The following SGCZ variants were observed in gnomAD, a reference collection of about 807,000 sequenced individuals.
SGCZ encodes zeta-sarcoglycan.
SGCZ carries 40 observed loss-of-function variants against 41.3 expected under a neutral mutation model. The observed-to-expected ratio is 0.97, with a 90% CI of 0.75 to 1.26. The LOEUF (loss-of-function observed/expected upper bound fraction) is 1.26, where lower values mean the gene tolerates loss of function less well. SGCZ is among the 50% of genes most tolerant of loss of function. The probability of loss-of-function intolerance (pLI) is 0.00; values close to 1 mark genes in which losing one functional copy is unlikely to be tolerated. For synonymous variants in SGCZ, 206 were observed against 137.5 expected (o/e 1.50, Z -3.49); for missense variants, 552 against 369.8 (o/e 1.49, Z -4.04).
chr8:14,271,318 C>T (rs980437722), intron 3 of SGCZ, among the ~76,000 whole-genome samples: 2 of 152,050 alleles, frequency 1.3e-5, no homozygotes, highest in Admixed American at 6.6e-5. Context: ...TATAATTCAG[C>T]CTAAAAACTT....
chr8:14,506,243 T>A (rs1357816260), intron 2 of SGCZ, among the ~76,000 whole-genome samples: 1 of 152,012 alleles, frequency 6.6e-6, no homozygotes, highest in East Asian at 1.9e-4. Context: ...TCCCACCACA[T>A]CCACCATATG....
At chr8:14,623,487 T>A (rs1383762268) in intron 1 of SGCZ, among the ~76,000 whole-genome samples, 1 of 151,992 alleles carries the variant, frequency 6.6e-6, no homozygotes, top group African/African-American at 2.4e-5. Flanking sequence ...ATAGGAAAAA[T>A]TAATATATCC....
chr8:14,197,848 C>A (rs984973733), intron 4 of SGCZ, among the ~76,000 whole-genome samples: 4 of 151,894 alleles, frequency 2.6e-5, no homozygotes, highest in Admixed American at 1.3e-4. Context: ...AACACAGAGT[C>A]TGGAAAAAAC....
At chr8:14,350,685 A>C (rs1585394901) in intron 2 of SGCZ, among the ~76,000 whole-genome samples, 1 of 152,016 alleles carries the variant, frequency 6.6e-6, no homozygotes, top group South Asian at 2.1e-4. Flanking sequence ...GTGGAATTGC[A>C]TGACAGTTCA....
intron 1 of SGCZ, among the ~76,000 whole-genome samples, chr8:14,940,678 T>G (rs1800243218): frequency 1.0e-5 from 1 of 95,988 alleles, no homozygotes; most frequent in Admixed American, 1.3e-4. Context: ...ACATAAAACC[T>G]GGGCACCAAA....
At chr8:15,168,074 C>G (rs1159052973) in intron 1 of SGCZ, among the ~76,000 whole-genome samples, 1 of 147,470 alleles carries the variant, frequency 6.8e-6, no homozygotes, top group Non-Finnish European at 1.5e-5. Flanking sequence ...ATCCTTTCCT[C>G]TCTCTTGTTG....
chr8:15,039,027 G>C (rs1598188), intron 1 of SGCZ, among the ~76,000 whole-genome samples: 62,776 of 151,824 alleles, frequency 0.41, 13,428 homozygotes, highest in African/African-American at 0.52. Context: ...TACACTGTTG[G>C]TGGGAATGTA....
intron 1 of SGCZ, among the ~76,000 whole-genome samples, chr8:14,605,150 C>G (rs904953713): frequency 6.6e-6 from 1 of 152,058 alleles, no homozygotes; most frequent in African/African-American, 2.4e-5. Context: ...CTACTTGCCT[C>G]GAAAAATGAC....
At chr8:15,006,060 G>A (rs985034916) in intron 1 of SGCZ, among the ~76,000 whole-genome samples, 3 of 152,060 alleles carry the variant, frequency 2.0e-5, no homozygotes, top group Non-Finnish European at 2.9e-5. Flanking sequence ...ATATTAGCAC[G>A]ACTAGGCTGA....
intron 4 of SGCZ, among the ~76,000 whole-genome samples, chr8:14,202,074 G>T (rs575641739): frequency 3.3e-5 from 5 of 152,178 alleles, no homozygotes; most frequent in Non-Finnish European, 7.4e-5. Flanking sequence ...TAGAATTAAG[G>T]TTGCTCACCG....
intron 1 of SGCZ, among the ~76,000 whole-genome samples, chr8:14,926,710 A>G (rs1364518956): frequency 6.6e-6 from 1 of 151,834 alleles, no homozygotes; most frequent in East Asian, 1.9e-4. Context: ...GCATGATCTC[A>G]GCTCACTGCA....
chr8:14,851,375 AAAAAAAAAAAAAAAAG>A (rs1316928683), intron 1 of SGCZ, among the ~76,000 whole-genome samples: 1 of 139,720 alleles, frequency 7.2e-6, no homozygotes, highest in East Asian at 2.1e-4. Flanking sequence ...TCTCAAAAAA[AAAAAAAAAAAAAAAAG>A]AAAAAAAGAA....
intron 2 of SGCZ, among the ~76,000 whole-genome samples, chr8:14,367,852 T>G (rs906365939): frequency 3.3e-5 from 5 of 152,072 alleles, no homozygotes; most frequent in Admixed American, 2.0e-4. Flanking sequence ...GCATGCTTAT[T>G]ATTTTTTGGG....
At chr8:14,395,283 G>C (rs1484126051) in intron 2 of SGCZ, among the ~76,000 whole-genome samples, 4 of 152,068 alleles carry the variant, frequency 2.6e-5, no homozygotes, top group Non-Finnish European at 4.4e-5. Context: ...TATTCAACTA[G>C]AAGTTACTAT....
intron 1 of SGCZ, among the ~76,000 whole-genome samples, chr8:14,597,485 T>G (rs2117302523): frequency 6.6e-6 from 1 of 152,352 alleles, no homozygotes; most frequent in South Asian, 2.1e-4. Flanking sequence ...TTGTTTGTTT[T>G]GAAATGGAGT....
chr8:14,119,289 G>T (rs1048975780), intron 5 of SGCZ, among the ~76,000 whole-genome samples: 9 of 152,210 alleles, frequency 5.9e-5, no homozygotes, highest in African/African-American at 2.2e-4. Flanking sequence ...TCCCCTGTAA[G>T]TTGTATTCCT....
intron 1 of SGCZ, among the ~76,000 whole-genome samples, chr8:14,754,459 G>T (rs1799595550): frequency 6.6e-6 from 1 of 151,910 alleles, no homozygotes; most frequent in Admixed American, 6.6e-5. Flanking sequence ...AATATTTATT[G>T]CTTATTATTG....
At chr8:15,069,159 T>C (rs1805261509) in intron 1 of SGCZ, among the ~76,000 whole-genome samples, 1 of 152,304 alleles carries the variant, frequency 6.6e-6, no homozygotes, top group Non-Finnish European at 1.5e-5. Flanking sequence ...CCAAAATTTA[T>C]GACAATACAG....
intron 7 of SGCZ, among the ~76,000 whole-genome samples, chr8:14,098,568 C>G (rs1158006090): frequency 2.0e-5 from 3 of 152,154 alleles, no homozygotes; most frequent in Non-Finnish European, 2.9e-5. Context: ...GAAAGGCATC[C>G]TCAAGCTCTG....
Sources: allele counts gnomAD v4.1 joint callset (sites outside exome capture counted in the v4.1 genomes callset), GRCh38; gene constraint gnomAD v4.1.1; transcripts MANE v1.5; gene names NCBI Gene and HGNC (gene_info 2026-07-23, HGNC 2026-07-21).